The following PBX3 variants were observed in gnomAD, a reference collection of about 807,000 sequenced individuals.
The protein encoded by PBX3 is PBX homeobox 3.
In PBX3, 14 loss-of-function variants were observed where a neutral mutation model predicts 48.5. The observed-to-expected ratio is 0.29, with a 90% CI of 0.19 to 0.45. The LOEUF is 0.45. Ranked by LOEUF, PBX3 falls within the 20% of genes least tolerant of loss-of-function variation. The probability of loss-of-function intolerance (pLI) is 1.00; values close to 1 mark genes in which losing one functional copy is unlikely to be tolerated. For synonymous variants in PBX3, 210 were observed against 200.3 expected, an observed-to-expected ratio of 1.05 and a Z score of -0.41; for missense variants, 386 against 546.7, an observed-to-expected ratio of 0.71 and a Z score of 2.93.
chr9:125,874,096 A>C (rs1840191177), intron 2 of PBX3, among the ~76,000 whole-genome samples: 1 of 152,216 alleles, frequency 6.6e-6, no homozygotes. Flanking sequence ...TTGACATCTT[A>C]GGTGAAATGA....
chr9:125,777,356 CT>C (rs1483207559), intron 2 of PBX3, among the ~76,000 whole-genome samples: 1 of 148,696 alleles, frequency 6.7e-6, no homozygotes, highest in South Asian at 2.1e-4. Flanking sequence ...AATTCTTCTT[CT>C]TCTTCTTTTT....
chr9:125,826,301 C>T lies in PBX3; in HGVS notation c.274+77678C>T, dbSNP rs1473779758. Among the ~76,000 whole-genome samples the T allele has an allele frequency of 2.0e-5, 3 of 152,140 alleles. No homozygotes were observed. The East Asian group carries it at 5.8e-4, about 29-fold the overall frequency. The stretch of plus-strand genomic sequence containing the variant: ...ATTCAAATAATTTATTTACTATTCT[C>T]ATATCTTGATTATTTGTCACAAATG... On this transcript the variant is annotated intron_variant, in intron 2 of 8. Transcript: ENST00000373489.
At chr9:125,943,295 C>T (rs924075385) in intron 5 of PBX3, among the ~76,000 whole-genome samples, 1 of 127,346 alleles carries the variant, frequency 7.9e-6, no homozygotes, top group African/African-American at 3.0e-5. Flanking sequence ...GTGGAGGTTG[C>T]AGTGAGCCAA....
chr9:125,868,940 A>C (rs1002599007), intron 2 of PBX3, among the ~76,000 whole-genome samples: 1 of 152,178 alleles, frequency 6.6e-6, no homozygotes, highest in African/African-American at 2.4e-5. Flanking sequence ...CAATTAAACA[A>C]TGAAGAAGCA....
chr9:125,839,229 C>T (rs1371387587), intron 2 of PBX3, among the ~76,000 whole-genome samples: 1 of 152,084 alleles, frequency 6.6e-6, no homozygotes, highest in Admixed American at 6.5e-5. Context: ...AAGCGCTTTA[C>T]CCACAGAAGA....
intron 2 of PBX3, among the ~76,000 whole-genome samples, chr9:125,866,475 G>A (rs1839983365): frequency 6.6e-6 from 1 of 152,136 alleles, no homozygotes; most frequent in African/African-American, 2.4e-5. Flanking sequence ...CCCTTGTGGG[G>A]TTTACATTCT....
intron 2 of PBX3, among the ~76,000 whole-genome samples, chr9:125,765,514 G>A (rs1452137309): frequency 2.0e-5 from 3 of 151,988 alleles, no homozygotes; most frequent in African/African-American, 7.3e-5. Context: ...TAGGGTTACT[G>A]GCCACTTGAG....
chr9:125,825,285 C>T lies in PBX3; in HGVS notation c.274+76662C>T, dbSNP rs113807745. 3.5e-3 allele frequency among the ~76,000 whole-genome samples: 532 copies of T among 149,962 alleles called. 3 individuals carry two copies. The highest frequency in any genetic ancestry group is 0.013 in the African/African-American group (512 of 40,930). ...GGCAACAAAGTGAGACTCTGTCCCC[C>T]GCAAAAAAAAACAATTATTGAGAAC... is the stretch of plus-strand genomic sequence containing the variant. On this transcript the variant is annotated intron_variant, in intron 2 of 8. Transcript: ENST00000373489.
intron 2 of PBX3, among the ~76,000 whole-genome samples, chr9:125,876,280 T>C (rs1024316464): frequency 3.9e-5 from 6 of 152,234 alleles, no homozygotes; most frequent in South Asian, 2.1e-4. Context: ...AACAATATTA[T>C]TTTCTAGTTT....
At chr9:125,857,256 A>G (rs1247697792) in intron 2 of PBX3, among the ~76,000 whole-genome samples, 2 of 152,140 alleles carry the variant, frequency 1.3e-5, no homozygotes, top group African/African-American at 4.8e-5. Flanking sequence ...TTCTTCAGAT[A>G]TTGGAATATT....
intron 2 of PBX3, among the ~76,000 whole-genome samples, chr9:125,871,418 A>C (rs145981654): frequency 1.3e-5 from 2 of 152,128 alleles, no homozygotes; most frequent in African/African-American, 2.4e-5. Flanking sequence ...CCAGGTGTTC[A>C]TGAATAATAA....
chr9:125,873,923 A>G (rs1840186864), intron 2 of PBX3, among the ~76,000 whole-genome samples: 1 of 152,166 alleles, frequency 6.6e-6, no homozygotes, highest in African/African-American at 2.4e-5. Context: ...TATGAAATTG[A>G]CAAACCTCTG....
chr9:125,866,903 T>G (rs1327767530), intron 2 of PBX3, among the ~76,000 whole-genome samples: 2 of 152,198 alleles, frequency 1.3e-5, no homozygotes, highest in African/African-American at 2.4e-5. Context: ...GCAACTAAAT[T>G]TTTTGTCTTA....
At chr9:125,784,164 T>A (rs1020781843) in intron 2 of PBX3, among the ~76,000 whole-genome samples, 10 of 152,114 alleles carry the variant, frequency 6.6e-5, no homozygotes, top group Non-Finnish European at 1.3e-4. Context: ...GAAGTCTCTC[T>A]TTCTCCCAGG....
At chr9:125,949,551 T>C in intron 5 of PBX3, 1 of 1,343,130 alleles carries the variant, frequency 7.4e-7, no homozygotes, top group Middle Eastern at 2.1e-4. Flanking sequence ...TAGTATTCTT[T>C]ACTCCAAAAA....
chr9:125,870,260 G>A (rs1270692360), intron 2 of PBX3, among the ~76,000 whole-genome samples: 3 of 151,996 alleles, frequency 2.0e-5, no homozygotes, highest in African/African-American at 7.2e-5. Flanking sequence ...GTAGAGATGG[G>A]GTTTCACCAT....
At chr9:125,775,443 A>C (rs1837047476) in intron 2 of PBX3, among the ~76,000 whole-genome samples, 1 of 152,170 alleles carries the variant, frequency 6.6e-6, no homozygotes, top group Non-Finnish European at 1.5e-5. Context: ...TAGTGGTCCA[A>C]ATTCATTCTT....
chr9:125,788,891 A>G (rs556340300), intron 2 of PBX3, among the ~76,000 whole-genome samples: 4 of 151,882 alleles, frequency 2.6e-5, no homozygotes, highest in African/African-American at 9.6e-5. Flanking sequence ...AAAAAAGGAA[A>G]GCTTGCTGTG....
intron 2 of PBX3, among the ~76,000 whole-genome samples, chr9:125,790,775 C>T (rs1049496148): frequency 6.6e-6 from 1 of 151,830 alleles, no homozygotes; most frequent in Non-Finnish European, 1.5e-5. Context: ...CTATGTTGCC[C>T]GGACTGGTCT....
Sources: allele counts gnomAD v4.1 joint callset (sites outside exome capture counted in the v4.1 genomes callset), GRCh38; gene constraint gnomAD v4.1.1; transcripts MANE v1.5; gene names NCBI Gene and HGNC (gene_info 2026-07-23, HGNC 2026-07-21).